PCDH15: variants seen among roughly 807,000 people sequenced by gnomAD.
PCDH15 encodes protocadherin-15.
PCDH15 carries 129 observed loss-of-function variants against 178.5 expected under a neutral mutation model. The ratio of observed to expected loss-of-function variants is 0.72; its 90% CI spans 0.63 to 0.84. The LOEUF (loss-of-function observed/expected upper bound fraction) is 0.84. Among genes scored for constraint, PCDH15 ranks in the 40% least tolerant of loss-of-function variants. The pLI is 0.00. For synonymous variants in PCDH15, 800 were observed against 732.0 expected (o/e 1.09, Z -1.50); for missense variants, 2,230 against 2,099.9 (o/e 1.06, Z -1.21).
intron 3 of PCDH15, among the ~76,000 whole-genome samples, chr10:54,823,868 G>T (rs1354297054): frequency 6.6e-6 from 1 of 152,110 alleles, no homozygotes; most frequent in Non-Finnish European, 1.5e-5. Flanking sequence ...ACTTGATTTA[G>T]ATTTTTGCAA....
intron 15 of PCDH15, among the ~76,000 whole-genome samples, chr10:54,111,972 C>CA (rs369333708): frequency 0.4 from 38,388 of 96,566 alleles, 6,303 homozygotes; most frequent in Middle Eastern, 0.45. Context: ...ACCAAAAATA[C>CA]AAAAAAAAAA....
intron 13 of PCDH15, among the ~76,000 whole-genome samples, chr10:54,159,676 CATT>C (rs1179529021): frequency 2.6e-5 from 4 of 151,970 alleles, no homozygotes; most frequent in Non-Finnish European, 5.9e-5. Context: ...ACCATGTAAT[CATT>C]AATACAATAA....
intron 3 of PCDH15, among the ~76,000 whole-genome samples, chr10:54,852,022 T>C (rs1050039063): frequency 1.3e-5 from 2 of 152,140 alleles, no homozygotes; most frequent in African/African-American, 4.8e-5. Flanking sequence ...ATAACAAGAG[T>C]TTAAATTTAA....
At chr10:55,088,890 T>C (rs1362850328) in intron 2 of PCDH15, among the ~76,000 whole-genome samples, 1 of 152,154 alleles carries the variant, frequency 6.6e-6, no homozygotes, top group Admixed American at 6.6e-5. Flanking sequence ...TCATATCAGT[T>C]TGAATTTTAA....
At chr10:54,739,913 C>A (rs1367385970) in intron 1 of PCDH15, among the ~76,000 whole-genome samples, 2 of 152,024 alleles carry the variant, frequency 1.3e-5, no homozygotes, top group East Asian at 1.9e-4. Context: ...AACGTAAAAC[C>A]TAAACTATAA....
intron 1 of PCDH15, among the ~76,000 whole-genome samples, chr10:54,724,514 C>T (rs1319985721): frequency 6.7e-6 from 1 of 148,436 alleles, no homozygotes; most frequent in Admixed American, 6.7e-5. Context: ...TGCATATATA[C>T]CCCCGAATCT....
intron 1 of PCDH15, among the ~76,000 whole-genome samples, chr10:55,211,119 G>A (rs1840560513): frequency 6.6e-6 from 1 of 152,064 alleles, no homozygotes; most frequent in African/African-American, 2.4e-5. Flanking sequence ...CAGGGTCAAG[G>A]TAATGAAGAT....
chr10:54,892,731 CTTT>C (rs565482831), intron 3 of PCDH15, among the ~76,000 whole-genome samples: 3 of 134,668 alleles, frequency 2.2e-5, no homozygotes, highest in African/African-American at 2.7e-5. Context: ...AATAATTTTT[CTTT>C]TTTTTTTTTT....
chr10:55,275,504 A>AT lies in PCDH15; in HGVS notation c.-156+44094dup, dbSNP rs994319541. Among the ~76,000 whole-genome samples, 22 of 151,496 alleles carry AT rather than the reference A, an allele frequency of 1.5e-4. 1 individual carries two copies. The East Asian group carries it at 1.8e-3, about 12-fold the overall frequency. On this transcript the variant is annotated intron_variant, in intron 1 of 5. Coordinates refer to the PCDH15 transcript ENST00000458638. ...AAAATCTTCAAATTACATAAAAATG[A>AT]TTTTTTTTCATCCCAGTGCTATCCT...
At chr10:55,168,971 T>C (rs1325854959) in intron 1 of PCDH15, among the ~76,000 whole-genome samples, 1 of 152,154 alleles carries the variant, frequency 6.6e-6, no homozygotes, top group African/African-American at 2.4e-5. Flanking sequence ...GATTGGAAAA[T>C]AGGATAAAAG....
intron 1 of PCDH15, among the ~76,000 whole-genome samples, chr10:54,681,209 T>C (rs1591019946): frequency 1.3e-5 from 2 of 152,096 alleles, no homozygotes; most frequent in South Asian, 4.1e-4. Flanking sequence ...AGGTTTGGAG[T>C]AGAAATCAAG....
chr10:54,179,504 G>T (rs897997507), intron 13 of PCDH15, among the ~76,000 whole-genome samples: 3 of 151,530 alleles, frequency 2.0e-5, no homozygotes, highest in African/African-American at 7.3e-5. Context: ...CACCAGCATG[G>T]CACATGTATA....
At position 53,831,429 on chromosome 10, in the gene PCDH15, A is replaced by C. The variant is rs775916813; in HGVS notation, c.4088T>G (p.Ile1363Ser). Reference sequence around the variant, plus strand: ...TCCTAGACTTTCTCCTCTCTTTTTAATGCTGGTCACTGCCTCTGGAGTCCG... The same window carrying C: ...TCCTAGACTTTCTCCTCTCTTTTTACTGCTGGTCACTGCCTCTGGAGTCCG... Reference protein sequence around the residue: ...EIRTPEAVTSIKKRGESLGYT... With the variant: ...EIRTPEAVTSSKKRGESLGYT... Residue 1363 changes from isoleucine to serine, a missense_variant, in exon 30 of 38, where the codon ATT becomes AGT. By Grantham distance (142) the Ile-to-Ser change is moderately radical. Transcript: ENST00000644397. The C allele has an allele frequency of 2.5e-6, 4 of 1,614,088 alleles. No individual in the cohort carries two copies. Among genetic ancestry groups the C allele is most frequent in the South Asian group, 2.2e-5 (2 of 91,066 alleles).
At chr10:53,901,415 T>C (rs2082326711) in intron 26 of PCDH15, among the ~76,000 whole-genome samples, 1 of 152,092 alleles carries the variant, frequency 6.6e-6, no homozygotes. Context: ...ATCCTATATG[T>C]TCTATCCTTT....
chr10:55,016,101 A>ATT (rs1564718202), intron 2 of PCDH15, among the ~76,000 whole-genome samples: 5,263 of 43,620 alleles, frequency 0.12, 190 homozygotes, highest in African/African-American at 0.23. Context: ...TTTTTTTTAA[A>ATT]AAAAAAAAAA....
intron 6 of PCDH15, among the ~76,000 whole-genome samples, chr10:54,346,062 T>C (rs1943226944): frequency 6.6e-6 from 1 of 152,060 alleles, no homozygotes; most frequent in Non-Finnish European, 1.5e-5. Context: ...ACACTTGTTA[T>C]CTCATCTCCA....
chr10:55,110,391 T>C (rs1428386018), intron 2 of PCDH15, among the ~76,000 whole-genome samples: 1 of 152,052 alleles, frequency 6.6e-6, no homozygotes, highest in Non-Finnish European at 1.5e-5. Context: ...AATAGCTGAT[T>C]AGCCTTAGTG....
intron 15 of PCDH15, among the ~76,000 whole-genome samples, chr10:54,114,818 C>T (rs1322895679): frequency 1.3e-5 from 2 of 152,062 alleles, no homozygotes; most frequent in African/African-American, 4.8e-5. Flanking sequence ...GTAGGAATCA[C>T]TCAGTGTTCC....
intron 3 of PCDH15, among the ~76,000 whole-genome samples, chr10:54,421,710 A>T (rs1240506627): frequency 3.0e-5 from 4 of 132,356 alleles, no homozygotes; most frequent in East Asian, 4.1e-4. Context: ...ACACACACAC[A>T]CTATATATAT....
Sources: allele counts gnomAD v4.1 joint callset (sites outside exome capture counted in the v4.1 genomes callset), GRCh38; gene constraint gnomAD v4.1.1; transcripts MANE v1.5; gene names NCBI Gene and HGNC (gene_info 2026-07-23, HGNC 2026-07-21).